SLC41A2: variants seen among roughly 807,000 people sequenced by gnomAD.
The protein encoded by SLC41A2 is SLC41A1-like 1.
SLC41A2 carries 32 observed loss-of-function variants against 58.3 expected under a neutral mutation model. The observed-to-expected ratio is 0.55, with a 90% CI of 0.41 to 0.74. SLC41A2 has a LOEUF of 0.74. SLC41A2 is among the 30% of genes least tolerant of loss of function. SLC41A2 has a pLI of 0.00. For missense variants in SLC41A2, 514 were observed against 680.6 expected (o/e 0.76, Z 2.72); for synonymous variants, 190 against 235.0 (o/e 0.81, Z 1.75).
chr12:104,853,911 A>ATTATTATTATTATTATTATTTTTT, intron 8 of SLC41A2, among the ~76,000 whole-genome samples: 6 of 59,496 alleles, frequency 1.0e-4, no homozygotes, highest in Admixed American at 2.2e-4. Flanking sequence ...TGCCTGGCTG[A>ATTATTATTATTATTATTATTTTTT]TTTTTTTTTT....
At chr12:104,846,096 C>T in intron 8 of SLC41A2, 122 bp from the exon 9 acceptor site, 1 of 943,346 alleles carries the variant, frequency 1.1e-6, no homozygotes, top group South Asian at 1.8e-5. Flanking sequence ...AAGAGTTCTT[C>T]TGAAATGTTG....
intron 4 of SLC41A2, among the ~76,000 whole-genome samples, chr12:104,892,326 TA>T (rs1459187988): frequency 0.015 from 1,931 of 125,036 alleles, 219 homozygotes; most frequent in African/African-American, 0.07. Flanking sequence ...TAAAATAAAA[TA>T]AAATAAAATA....
chr12:104,906,030 C>G (rs1264503174), intron 3 of SLC41A2, among the ~76,000 whole-genome samples: 1 of 152,238 alleles, frequency 6.6e-6, no homozygotes, highest in Non-Finnish European at 1.5e-5. Context: ...GGGGAGGTGC[C>G]GAGAGCAAGC....
At chr12:104,924,556 C>T (rs1298920561) in intron 2 of SLC41A2, among the ~76,000 whole-genome samples, 1 of 152,046 alleles carries the variant, frequency 6.6e-6, no homozygotes, top group Non-Finnish European at 1.5e-5. Context: ...ACCAGCCTGA[C>T]CCACATGGAG....
intron 6 of SLC41A2, among the ~76,000 whole-genome samples, chr12:104,871,008 C>T (rs2043743389): frequency 6.6e-6 from 1 of 152,122 alleles, no homozygotes; most frequent in Admixed American, 6.6e-5. Context: ...CTCACACCAC[C>T]ACATTAAGGC....
intron 6 of SLC41A2, among the ~76,000 whole-genome samples, chr12:104,884,091 T>A (rs2044530412): frequency 6.6e-6 from 1 of 152,204 alleles, no homozygotes; most frequent in Non-Finnish European, 1.5e-5. Flanking sequence ...CGCAGTTCCA[T>A]CTCAGACTGC....
chr12:104,852,461 C>G (rs903723998), intron 8 of SLC41A2, among the ~76,000 whole-genome samples: 1 of 152,198 alleles, frequency 6.6e-6, no homozygotes, highest in Non-Finnish European at 1.5e-5. Flanking sequence ...AATTGTAGCT[C>G]TCTTCTAAAA....
chr12:104,938,548 A>T (rs2135934181), intron 1 of SLC41A2, among the ~76,000 whole-genome samples: 1 of 152,332 alleles, frequency 6.6e-6, no homozygotes, highest in South Asian at 2.1e-4. Flanking sequence ...AACAGAAACA[A>T]TTCAGCTATG....
intron 1 of SLC41A2, among the ~76,000 whole-genome samples, chr12:104,952,580 T>C (rs943877214): frequency 2.6e-5 from 4 of 152,210 alleles, no homozygotes; most frequent in Non-Finnish European, 5.9e-5. Context: ...TCATTTCCTC[T>C]AAGATAAATC....
chr12:104,890,628 A>G (rs2044910254), intron 4 of SLC41A2, among the ~76,000 whole-genome samples: 1 of 152,328 alleles, frequency 6.6e-6, no homozygotes, highest in South Asian at 2.1e-4. Context: ...CTGAAAAATG[A>G]CTAATTGTAC....
chr12:104,905,050 G>C (rs1286075128), intron 3 of SLC41A2, among the ~76,000 whole-genome samples: 2 of 151,802 alleles, frequency 1.3e-5, no homozygotes, highest in Admixed American at 1.3e-4. Context: ...TGATTGGTGC[G>C]TTTACAATCC....
chr12:104,850,126 A>C (rs2042745559), intron 8 of SLC41A2, among the ~76,000 whole-genome samples: 1 of 152,230 alleles, frequency 6.6e-6, no homozygotes, highest in South Asian at 2.1e-4. Context: ...GATATCACAG[A>C]GAATCAGAAG....
chr12:104,821,348 C>T (rs2041630301), intron 10 of SLC41A2, among the ~76,000 whole-genome samples: 1 of 151,896 alleles, frequency 6.6e-6, no homozygotes, highest in South Asian at 2.1e-4. Context: ...ATCTTCTTTA[C>T]AAAATAAACT....
chr12:104,923,323 C>CT lies in SLC41A2; in HGVS notation c.555+4649dup, dbSNP rs201067417. On this transcript the variant is annotated intron_variant, in intron 2 of 10. Coordinates refer to ENST00000258538, the MANE Select transcript of SLC41A2 (RefSeq NM_001352171.3). ...CTTGAAGTGAGCCGTGATCGTGCCA[C>CT]TGCACTCCAGCCTGGGCAACAGAGT... Among the ~76,000 whole-genome samples, 500 of 145,698 alleles carry CT rather than the reference C, an allele frequency of 3.4e-3. 7 individuals carry two copies. The highest frequency in any genetic ancestry group is 0.012 in the African/African-American group (467 of 39,406).
intron 10 of SLC41A2, among the ~76,000 whole-genome samples, chr12:104,819,891 G>A (rs2136234049): frequency 6.6e-6 from 1 of 152,336 alleles, no homozygotes; most frequent in South Asian, 2.1e-4. Context: ...GTTTTCACAA[G>A]AGCTGACTGG....
chr12:104,855,284 T>G (rs982051482), intron 8 of SLC41A2, among the ~76,000 whole-genome samples: 1 of 152,202 alleles, frequency 6.6e-6, no homozygotes, highest in Non-Finnish European at 1.5e-5. Context: ...AAAACACCCA[T>G]GTACCCACCA....
At chr12:104,945,242 T>C (rs111491772) in intron 1 of SLC41A2, among the ~76,000 whole-genome samples, 11 of 152,150 alleles carry the variant, frequency 7.2e-5, no homozygotes, top group African/African-American at 2.6e-4. Context: ...AGTTCACACC[T>C]GTAATCCCAG....
In SLC41A2 at chr12:104,869,332, A is replaced by G. The variant is rs369289654; in HGVS notation, c.1028-2753T>C. Among the ~76,000 whole-genome samples the G allele has an allele frequency of 1.8e-4, 27 of 152,338 alleles. 1 individual carries two copies. The highest frequency in any genetic ancestry group is 6.5e-4 in the African/African-American group (27 of 41,580). On this transcript the variant is annotated intron_variant, in intron 6 of 10. Transcript: ENST00000258538. The stretch of plus-strand genomic sequence containing the variant: ...TAAAAATCCTCACAGAGGGGAAAAC[A>G]GGAAGGAGGACTACATTCTTCAAAA...
At chr12:104,921,317 C>T (rs1431100154) in intron 2 of SLC41A2, among the ~76,000 whole-genome samples, 2 of 151,868 alleles carry the variant, frequency 1.3e-5, no homozygotes, top group African/African-American at 4.8e-5. Context: ...AATAAGACTA[C>T]CCCAAGGCAT....
Sources: gnomAD v4.1 joint callset for allele counts (sites outside exome capture counted in the v4.1 genomes callset) on GRCh38, gnomAD v4.1.1 for gene constraint, MANE v1.5 for transcripts, NCBI Gene and HGNC (gene_info 2026-07-23, HGNC 2026-07-21) for gene names.